SLC22A23: variants seen among roughly 807,000 people sequenced by gnomAD.
SLC22A23 encodes the protein ion transporter protein.
A neutral mutation model predicts 61.0 loss-of-function variants in SLC22A23; 26 were observed. The ratio of observed to expected loss-of-function variants is 0.43; its 90% CI spans 0.31 to 0.59. The LOEUF (loss-of-function observed/expected upper bound fraction) is 0.59. Ranked by LOEUF, SLC22A23 falls within the 20% of genes least tolerant of loss-of-function variation. The probability of loss-of-function intolerance (pLI) is 0.11; values close to 1 mark genes in which losing one functional copy is unlikely to be tolerated. For synonymous variants in SLC22A23, 430 were observed against 413.9 expected, an observed-to-expected ratio of 1.04 and a Z score of -0.47; for missense variants, 796 against 934.7, an observed-to-expected ratio of 0.85 and a Z score of 1.94.
intron 3 of SLC22A23, among the ~76,000 whole-genome samples, chr6:3,349,222 G>T (rs1764622950): frequency 6.6e-6 from 1 of 152,180 alleles, no homozygotes; most frequent in African/African-American, 2.4e-5. Flanking sequence ...GAGGAAGCCT[G>T]CCCTAGCCAC....
At chr6:3,370,331 G>A (rs1766128350) in intron 3 of SLC22A23, among the ~76,000 whole-genome samples, 1 of 152,288 alleles carries the variant, frequency 6.6e-6, no homozygotes, top group Admixed American at 6.5e-5. Context: ...GGGTCTTTGA[G>A]GAATTGCGAG....
At chr6:3,290,109 T>C (rs1201450276) in intron 5 of SLC22A23, 5 of 558,272 alleles carry the variant, frequency 9.0e-6, no homozygotes, top group Admixed American at 3.1e-5. Flanking sequence ...AGGTGCACCG[T>C]CAGCAGAAGT....
intron 3 of SLC22A23, among the ~76,000 whole-genome samples, chr6:3,364,105 A>G (rs1765652492): frequency 6.6e-6 from 1 of 152,216 alleles, no homozygotes; most frequent in Non-Finnish European, 1.5e-5. Flanking sequence ...CACTTTCACG[A>G]ACCTCTTTGG....
chr6:3,274,352 T>C (rs1211615526), intron 9 of SLC22A23, among the ~76,000 whole-genome samples: 1 of 152,186 alleles, frequency 6.6e-6, no homozygotes, highest in African/African-American at 2.4e-5. Context: ...TTCTGGGGCC[T>C]CATTGAAGGA....
At chr6:3,276,625 G>T (rs1004964644) in intron 9 of SLC22A23, 5 of 152,356 alleles carry the variant, frequency 3.3e-5, no homozygotes, top group African/African-American at 1.2e-4. Context: ...AGCTCTGTCT[G>T]GTGCTCGCTC....
In SLC22A23 at chr6:3,322,120, G is replaced by A. The variant is rs1287762977; in HGVS notation, c.1082+1714C>T. Among the ~76,000 whole-genome samples, 2 of 152,164 alleles carry A rather than the reference G, an allele frequency of 1.3e-5. No individual in the cohort carries two copies. The highest frequency in any genetic ancestry group is 6.5e-5 in the Admixed American group (1 of 15,280). On this transcript the variant is annotated intron_variant, in intron 4 of 9. Transcript: ENST00000406686. The surrounding 1 kb of genome is among the most constrained non-coding windows in gnomAD (Gnocchi z 4.1). ...GAGCCAGGTGTGGCAAGAGTTGGCC[G>A]CTTCAGGTCCAGGCTCTGACGTGAG...
chr6:3,369,194 C>A (rs899133171), intron 3 of SLC22A23, among the ~76,000 whole-genome samples: 1 of 152,146 alleles, frequency 6.6e-6, no homozygotes, highest in South Asian at 2.1e-4. Flanking sequence ...CTGGTAAAAA[C>A]CATGTGAATT....
At chr6:3,361,001 A>G (rs557893705) in intron 3 of SLC22A23, among the ~76,000 whole-genome samples, 49 of 152,292 alleles carry the variant, frequency 3.2e-4, no homozygotes, top group African/African-American at 1.1e-3. Context: ...TGTCCAGGCC[A>G]CAGAAGGTGT....
At chr6:3,301,094 TTAA>T (rs1696484685) in intron 4 of SLC22A23, among the ~76,000 whole-genome samples, 2 of 152,318 alleles carry the variant, frequency 1.3e-5, no homozygotes, top group South Asian at 4.1e-4. Flanking sequence ...ATACATGACA[TTAA>T]TATTATATAT....
rs1446416991 is a variant in SLC22A23, at chr6:3,272,431, T to G, written c.*624A>C. ...CAAAAGGATGATCCTGAAGGAAAGA[T>G]GAAGCTGGTTTTAACGGCGTCTGTG... is the stretch of plus-strand genomic sequence containing the variant. On this transcript the variant is annotated 3_prime_UTR_variant, in exon 10 of 10. Transcript: ENST00000406686. 1 of 152,718 alleles carries G rather than the reference T, an allele frequency of 6.5e-6. No individual in the cohort carries two copies. Among genetic ancestry groups the G allele is most frequent in the Non-Finnish European group, 1.5e-5 (1 of 68,034 alleles). 9.5% of individuals were successfully genotyped at this position (152,718 alleles called of 1,614,324 possible).
chr6:3,413,314 G>A (rs2127518664), intron 2 of SLC22A23, among the ~76,000 whole-genome samples: 1 of 152,324 alleles, frequency 6.6e-6, no homozygotes, highest in African/African-American at 2.4e-5. Flanking sequence ...CTGGCAGAGA[G>A]CAAGCTGGGC....
intron 7 of SLC22A23, among the ~76,000 whole-genome samples, 154 bp from the exon 8 acceptor site, chr6:3,285,265 C>T (rs761652947): frequency 3.9e-5 from 6 of 152,218 alleles, no homozygotes; most frequent in South Asian, 2.1e-4. Context: ...CGCTGGCCGC[C>T]GGGGCAGTGG....
intron 3 of SLC22A23, among the ~76,000 whole-genome samples, chr6:3,362,327 C>CG (rs941578699): frequency 6.8e-6 from 1 of 147,190 alleles, no homozygotes; most frequent in Non-Finnish European, 1.5e-5. Context: ...CGCTTGAATC[C>CG]GGGAGGCAGA....
At chr6:3,319,088 C>CA (rs1224194975) in intron 4 of SLC22A23, among the ~76,000 whole-genome samples, 1 of 152,214 alleles carries the variant, frequency 6.6e-6, no homozygotes, top group Non-Finnish European at 1.5e-5. Flanking sequence ...GATGGGTCCT[C>CA]ACAGAGCACA....
chr6:3,362,430 A>G lies in SLC22A23; in HGVS notation c.914-38428T>C, dbSNP rs1046579545. ...AAAAAAAAAAAATAAAATAAAAAAT[A>G]AAAAATAAAAATTAGCATGCATTTT... On this transcript the variant is annotated intron_variant, in intron 3 of 9. Coordinates refer to ENST00000406686, the MANE Select transcript of SLC22A23 (RefSeq NM_015482.2). 4.6e-5 allele frequency among the ~76,000 whole-genome samples: 6 copies of G among 131,058 alleles called. 1 individual carries two copies. The highest frequency in any genetic ancestry group is 1.4e-4 in the African/African-American group (4 of 29,168). The allele number at this position is 131,058 out of a possible 152,430, so 86.0% of individuals were successfully genotyped here. A position where few individuals can be genotyped will look rare whatever the true frequency, so the allele number is the denominator to read the frequency against.
intron 3 of SLC22A23, among the ~76,000 whole-genome samples, chr6:3,347,708 G>A (rs1764522534): frequency 6.6e-6 from 1 of 151,988 alleles, no homozygotes. Flanking sequence ...ATAAAAATCT[G>A]ATTTTTTTAT....
At position 3,337,349 on chromosome 6, in the gene SLC22A23, GTGGTGAGTA is replaced by G. The variant is rs537044039; in HGVS notation, c.914-13356_914-13348del. Among the ~76,000 whole-genome samples, 204 of 152,296 alleles carry G rather than the reference GTGGTGAGTA, an allele frequency of 1.3e-3. 2 individuals are homozygous for G. Among genetic ancestry groups the G allele is most frequent in the African/African-American group, 4.7e-3 (194 of 41,564 alleles). On this transcript the variant is annotated intron_variant, in intron 3 of 9. Coordinates refer to ENST00000406686, the MANE Select transcript of SLC22A23 (RefSeq NM_015482.2). ...GCTGCCAGTGGTGCTGCTGGGGAGA[GTGGTGAGTA>G]TTCAGGGAGGCCTTGTAGGTGCCAG...
intron 2 of SLC22A23, 47 bp downstream of exon 2, chr6:3,415,705 G>T: frequency 1.5e-6 from 2 of 1,307,358 alleles, no homozygotes; most frequent in Non-Finnish European, 2.2e-6. Flanking sequence ...CAGCAAAGGC[G>T]TGCTGTGGCC....
At chr6:3,411,470 C>T (rs1769238683) in intron 2 of SLC22A23, among the ~76,000 whole-genome samples, 3 of 152,118 alleles carry the variant, frequency 2.0e-5, no homozygotes, top group Admixed American at 6.5e-5. Flanking sequence ...TTGTCCAGGA[C>T]TGGGGGGTGA....
Sources: allele counts gnomAD v4.1 joint callset (sites outside exome capture counted in the v4.1 genomes callset), GRCh38; gene constraint gnomAD v4.1.1; non-coding constraint Gnocchi (gnomAD v3.1); transcripts MANE v1.5; gene names NCBI Gene and HGNC (gene_info 2026-07-23, HGNC 2026-07-21).